The following ARMS2 variants were observed in gnomAD, a reference collection of about 807,000 sequenced individuals.
The protein encoded by ARMS2 is age-related maculopathy susceptibility 2.
Under a neutral mutation model 6.0 loss-of-function variants are expected in ARMS2, and 4 were observed. That is an observed-to-expected ratio of 0.67 (90% CI 0.33 to 1.53). The LOEUF (loss-of-function observed/expected upper bound fraction) is 1.53, where lower values mean the gene tolerates loss of function less well. Ranked by LOEUF, ARMS2 falls within the 40% of genes most tolerant of loss-of-function variation. The pLI is 0.06. For missense variants in ARMS2, 99 were observed against 127.6 expected, an observed-to-expected ratio of 0.78 and a Z score of 1.08; for synonymous variants, 49 against 51.7, an observed-to-expected ratio of 0.95 and a Z score of 0.22.
At position 122,454,732 on chromosome 10, in the gene ARMS2, T is replaced by C; in HGVS notation, c.5T>C (p.Leu2Pro). The C allele has an allele frequency of 6.2e-7, 1 of 1,613,740 alleles. No individual in the cohort carries two copies. The highest frequency in any genetic ancestry group is 8.5e-7 in the Non-Finnish European group (1 of 1,179,852). The part of the protein sequence containing the change: M[L>P]RLYPGPMVTE... ...CATTATGTCCCTGTACCCTACATGC[T>C]GCGCCTATACCCAGGACCGATGGTA... Residue 2 changes from leucine to proline, a missense_variant, in exon 1 of 2, where the codon CTG becomes CCG. Coordinates refer to ENST00000528446, the MANE Select transcript of ARMS2 (RefSeq NM_001099667.3).
chr10:122,456,844 T>C, intron 1 of ARMS2, 63 bp from the exon 2 acceptor site: 2 of 1,534,476 alleles, frequency 1.3e-6, no homozygotes, highest in Non-Finnish European at 1.8e-6. Flanking sequence ...AAAGTGCTCC[T>C]CAACCTAAAA....
At chr10:122,455,961 A>G (rs1378316794) in intron 1 of ARMS2, among the ~76,000 whole-genome samples, 2 of 151,986 alleles carry the variant, frequency 1.3e-5, no homozygotes, top group Non-Finnish European at 2.9e-5. Context: ...TACCATGGAG[A>G]GTGAAAAATT....
chr10:122,456,864 G>T (rs758346752), intron 1 of ARMS2, 43 bp from the exon 2 acceptor site: 1 of 1,487,268 alleles, frequency 6.7e-7, no homozygotes, highest in South Asian at 1.2e-5. Context: ...ATATCGTCAT[G>T]TGTCTTTAAA....
chr10:122,455,019 A>G lies in ARMS2; in HGVS notation c.292A>G (p.Thr98Ala), dbSNP rs751983953. 5.2e-6 allele frequency: 8 copies of G among 1,538,556 alleles called. No individual in the cohort carries two copies. Among genetic ancestry groups the G allele is most frequent in the Admixed American group, 1.8e-5 (1 of 56,572 alleles). ...GTTCCAGCAGCCTCAGCACCACCTG[A>G]CACTGGTAAGAAATGCAGATGATCA... The part of the protein sequence containing the change: ...RRFQQPQHHL[T>A]LSIIHTAAR The change falls in exon 1 of 2, where the codon ACA becomes GCA. Residue 98 changes from threonine (T) to alanine (A), a missense_variant. Thr to Ala is a moderately conservative substitution (Grantham distance 58). Coordinates refer to ENST00000528446, the MANE Select transcript of ARMS2 (RefSeq NM_001099667.3).
chr10:122,455,121 G>T, intron 1 of ARMS2, 97 bp downstream of exon 1: 1 of 694,566 alleles, frequency 1.4e-6, no homozygotes, highest in Non-Finnish European at 2.4e-6. Flanking sequence ...GCCTTCAGGT[G>T]CTTCTGATGC....
In ARMS2 at chr10:122,454,839, CGA is replaced by C; in HGVS notation, c.116_117del (p.Glu39ValfsTer14). On this transcript the variant is annotated frameshift_variant, in exon 1 of 2. Coordinates refer to ENST00000528446, the MANE Select transcript of ARMS2 (RefSeq NM_001099667.3). LOFTEE classifies it high-confidence loss of function. ...VVPVSFISTL[R>X]ESVLDPGVGG... ...TCCTGTGTCCTTCATTTCCACTCTGCGAGAGTCTGTGCTGGACCCTGGAGTTG... is the reference window on the plus strand; with the variant it reads ...TCCTGTGTCCTTCATTTCCACTCTGCGAGTCTGTGCTGGACCCTGGAGTTG... 1 of 1,613,842 alleles carries C rather than the reference CGA, an allele frequency of 6.2e-7. No individual in the cohort carries two copies. Among genetic ancestry groups the C allele is most frequent in the African/African-American group, 1.3e-5 (1 of 74,984 alleles).
intron 1 of ARMS2, among the ~76,000 whole-genome samples, chr10:122,456,577 CTGGGAGGTGGAGG>C (rs1164343737): frequency 5.9e-5 from 9 of 151,738 alleles, no homozygotes; most frequent in African/African-American, 9.7e-5. Flanking sequence ...TCGCTAGAAC[CTGGGAGGTGGAGG>C]TTGCAGTGAG....
chr10:122,456,959 A>T lies in ARMS2; in HGVS notation c.*26A>T. Reference sequence around the variant, plus strand: ...TTCTGCCAAAACATATCTCCTTAAAAGCCAACTGGAGCTTCTCATCAGCAT... The same window carrying T: ...TTCTGCCAAAACATATCTCCTTAAATGCCAACTGGAGCTTCTCATCAGCAT... On this transcript the variant is annotated 3_prime_UTR_variant, in exon 2 of 2. Transcript: ENST00000528446. The T allele has an allele frequency of 6.4e-7, 1 of 1,551,466 alleles. No individual in the cohort carries two copies.
At chr10:122,455,257 A>C (rs1486881389) in intron 1 of ARMS2, among the ~76,000 whole-genome samples, 1 of 152,212 alleles carries the variant, frequency 6.6e-6, no homozygotes, top group Non-Finnish European at 1.5e-5. Flanking sequence ...TGCCAGAAAA[A>C]GGAAACAAGA....
intron 1 of ARMS2, among the ~76,000 whole-genome samples, chr10:122,456,095 G>T (rs534988411): frequency 1.3e-5 from 2 of 152,210 alleles, no homozygotes; most frequent in African/African-American, 4.8e-5. Context: ...ATTAATAAAA[G>T]ATCTGAATTA....
At chr10:122,456,800 T>C (rs1246744148) in intron 1 of ARMS2, 107 bp from the exon 2 acceptor site, 6 of 1,469,046 alleles carry the variant, frequency 4.1e-6, no homozygotes, top group Non-Finnish European at 1.8e-6. Context: ...TCTTACCCTA[T>C]TGAGTTACAT....
intron 1 of ARMS2, among the ~76,000 whole-genome samples, 188 bp downstream of exon 1, chr10:122,455,212 G>T (rs948783694): frequency 1.3e-5 from 2 of 152,180 alleles, no homozygotes; most frequent in Non-Finnish European, 2.9e-5. Flanking sequence ...GGAGAATTGG[G>T]AATATCAGTA....
At chr10:122,456,534 A>G (rs1233155112) in intron 1 of ARMS2, among the ~76,000 whole-genome samples, 1 of 152,016 alleles carries the variant, frequency 6.6e-6, no homozygotes, top group Non-Finnish European at 1.5e-5. Flanking sequence ...AGCACCTGTA[A>G]TCCCAGCTAC....
At chr10:122,456,765 A>T (rs1399999119) in intron 1 of ARMS2, 142 bp from the exon 2 acceptor site, 1 of 1,251,794 alleles carries the variant, frequency 8.0e-7, no homozygotes, top group African/African-American at 1.5e-5. Flanking sequence ...ATTAATTGTT[A>T]CAAAAGGAAT....
At chr10:122,455,460 G>T (rs36212731) in intron 1 of ARMS2, among the ~76,000 whole-genome samples, 35,737 of 151,904 alleles carry the variant, frequency 0.24, 4,413 homozygotes, top group East Asian at 0.41. Flanking sequence ...ATATTCTCAC[G>T]GCTTTCCAGT....
At chr10:122,456,795 CCCT>C in intron 1 of ARMS2, 109 bp from the exon 2 acceptor site, 1 of 1,439,368 alleles carries the variant, frequency 6.9e-7, no homozygotes, top group South Asian at 1.4e-5. Context: ...ATACTTCTTA[CCCT>C]ATTGAGTTAC....
intron 1 of ARMS2, among the ~76,000 whole-genome samples, chr10:122,456,653 CAAA>C (rs111270448): frequency 7.4e-5 from 9 of 122,426 alleles, no homozygotes; most frequent in East Asian, 2.3e-4. Context: ...GACTCTATCT[CAAA>C]AAAAAAAAAA....
In ARMS2 at chr10:122,457,125, C is replaced by A; in HGVS notation, c.*192C>A. On this transcript the variant is annotated 3_prime_UTR_variant, in exon 2 of 2. Coordinates refer to ENST00000528446, the MANE Select transcript of ARMS2 (RefSeq NM_001099667.3). ...CACTGTGCAACCTGGAATTTCCCCA[C>A]CTGGGCGGACTCATCACGTCATCAC... The A allele has an allele frequency of 1.6e-6, 1 of 644,256 alleles. No homozygotes were observed. Among genetic ancestry groups the A allele is most frequent in the Non-Finnish European group, 2.6e-6 (1 of 381,606 alleles). 39.9% of individuals were successfully genotyped at this position (644,256 alleles called of 1,614,324 possible).
At chr10:122,456,795 C>A in intron 1 of ARMS2, 112 bp from the exon 2 acceptor site, 1 of 1,439,364 alleles carries the variant, frequency 6.9e-7, no homozygotes, top group Non-Finnish European at 9.4e-7. Context: ...ATACTTCTTA[C>A]CCTATTGAGT....
Sources: gnomAD v4.1 joint callset for allele counts (sites outside exome capture counted in the v4.1 genomes callset) on GRCh38, gnomAD v4.1.1 for gene constraint, MANE v1.5 for transcripts, NCBI Gene and HGNC (gene_info 2026-07-23, HGNC 2026-07-21) for gene names.